SLC4A10: variants seen among roughly 807,000 people sequenced by gnomAD.
SLC4A10 encodes sodium-driven chloride bicarbonate exchanger.
In SLC4A10, 42 loss-of-function variants were observed where a neutral mutation model predicts 137.7. That is an observed-to-expected ratio of 0.30 (90% CI 0.24 to 0.39). The LOEUF is 0.39. Among genes scored for constraint, SLC4A10 ranks in the 10% least tolerant of loss-of-function variants. SLC4A10 has a pLI of 1.00. For synonymous variants in SLC4A10, 474 were observed against 464.1 expected, an observed-to-expected ratio of 1.02 and a Z score of -0.27; for missense variants, 925 against 1,355.0, an observed-to-expected ratio of 0.68 and a Z score of 4.98.
chr2:161,951,950 G>A lies in SLC4A10; in HGVS notation c.2541+1102G>A, dbSNP rs188733810. Among the ~76,000 whole-genome samples, 369 of 152,154 alleles carry A rather than the reference G, an allele frequency of 2.4e-3. 1 individual carries two copies. The highest frequency in any genetic ancestry group is 8.3e-3 in the African/African-American group (346 of 41,512). On this transcript the variant is annotated intron_variant, in intron 19 of 26. Coordinates refer to ENST00000446997, the MANE Select transcript of SLC4A10 (RefSeq NM_001178015.2). Reference sequence around the variant, plus strand: ...ACATTTTTCATTCTCTTTGTAGAACGTAAGTTAAGAATTCTCACAACTTTA... The same window carrying A: ...ACATTTTTCATTCTCTTTGTAGAACATAAGTTAAGAATTCTCACAACTTTA...
At chr2:161,941,372 C>T (rs1011213852) in intron 15 of SLC4A10, among the ~76,000 whole-genome samples, 2 of 152,060 alleles carry the variant, frequency 1.3e-5, no homozygotes, top group African/African-American at 2.4e-5. Flanking sequence ...AAAAATGAGA[C>T]AGGAATTCAT....
intron 1 of SLC4A10, among the ~76,000 whole-genome samples, chr2:161,680,946 G>C (rs2040789276): frequency 6.6e-6 from 1 of 152,038 alleles, no homozygotes; most frequent in African/African-American, 2.4e-5. Context: ...ATAGATATAA[G>C]TAACATCTTA....
At chr2:161,940,810 C>T (rs1331019884) in intron 15 of SLC4A10, among the ~76,000 whole-genome samples, 1 of 152,168 alleles carries the variant, frequency 6.6e-6, no homozygotes, top group Non-Finnish European at 1.5e-5. Flanking sequence ...ACCTCAAGCA[C>T]TGACCACAGC....
intron 23 of SLC4A10, among the ~76,000 whole-genome samples, chr2:161,965,790 C>T (rs564006909): frequency 2.4e-3 from 358 of 152,046 alleles, no homozygotes; most frequent in African/African-American, 8.2e-3. Flanking sequence ...TTATAAGTTT[C>T]GTGGCATATT....
At chr2:161,788,328 C>T (rs948643714) in intron 2 of SLC4A10, among the ~76,000 whole-genome samples, 1 of 152,014 alleles carries the variant, frequency 6.6e-6, no homozygotes, top group Non-Finnish European at 1.5e-5. Context: ...GTACTATACC[C>T]TTCTGACAGT....
Position 161,754,963 on chromosome 2 carries a change from T to C in SLC4A10, c.49-16010T>C, listed in dbSNP as rs149992887. 2.3e-3 allele frequency among the ~76,000 whole-genome samples: 348 copies of C among 152,280 alleles called. 1 individual carries two copies. The highest frequency in any genetic ancestry group is 3.8e-3 in the Non-Finnish European group (257 of 68,022). The stretch of plus-strand genomic sequence containing the variant: ...TCAAAAGCAGGCAAGTTGGCACTTA[T>C]CAGATGCAGGTAAAAACTTGAACCT... On this transcript the variant is annotated intron_variant, in intron 1 of 26. Transcript: ENST00000446997.
intron 4 of SLC4A10, among the ~76,000 whole-genome samples, chr2:161,851,590 G>T (rs928896389): frequency 6.6e-6 from 1 of 152,078 alleles, no homozygotes; most frequent in Non-Finnish European, 1.5e-5. Flanking sequence ...AAGATGAAAT[G>T]ATTTAGATGC....
chr2:161,939,713 T>G (rs1434402989), intron 15 of SLC4A10, among the ~76,000 whole-genome samples: 1 of 152,140 alleles, frequency 6.6e-6, no homozygotes, highest in Non-Finnish European at 1.5e-5. Flanking sequence ...TGCCTAAAGA[T>G]TGATTCTAAA....
At chr2:161,728,016 C>T (rs1483580087) in intron 1 of SLC4A10, among the ~76,000 whole-genome samples, 3 of 151,986 alleles carry the variant, frequency 2.0e-5, no homozygotes, top group African/African-American at 4.8e-5. Flanking sequence ...TATCAAGCCT[C>T]ATAAATAAAA....
intron 10 of SLC4A10, 129 bp downstream of exon 10, chr2:161,882,573 C>T: frequency 2.0e-6 from 1 of 488,592 alleles, no homozygotes; most frequent in Non-Finnish European, 3.6e-6. Flanking sequence ...TCCCATGCTT[C>T]TGCTATAAAA....
chr2:161,639,173 G>A (rs1166879988), intron 1 of SLC4A10, among the ~76,000 whole-genome samples: 1 of 152,006 alleles, frequency 6.6e-6, no homozygotes, highest in Non-Finnish European at 1.5e-5. Flanking sequence ...AGGTCCTAAT[G>A]GCTTTACTGC....
intron 15 of SLC4A10, among the ~76,000 whole-genome samples, chr2:161,928,640 C>A (rs1413951704): frequency 7.1e-6 from 1 of 141,824 alleles, no homozygotes; most frequent in Non-Finnish European, 1.5e-5. Context: ...TCATAACAAT[C>A]CTTGAAAGCA....
chr2:161,648,470 T>C (rs2036364023), intron 1 of SLC4A10, among the ~76,000 whole-genome samples: 1 of 152,224 alleles, frequency 6.6e-6, no homozygotes, highest in Non-Finnish European at 1.5e-5. Context: ...GGAGTATTGT[T>C]CATCCTGAGA....
intron 2 of SLC4A10, among the ~76,000 whole-genome samples, chr2:161,788,959 C>A (rs970145568): frequency 1.3e-5 from 2 of 152,184 alleles, no homozygotes; most frequent in African/African-American, 2.4e-5. Context: ...TTCCATGGAA[C>A]CTGCAGCTCC....
intron 1 of SLC4A10, among the ~76,000 whole-genome samples, chr2:161,718,889 T>C (rs1386669306): frequency 1.3e-5 from 2 of 152,104 alleles, no homozygotes; most frequent in Non-Finnish European, 2.9e-5. Context: ...CAGCAGGGTG[T>C]TATTATCTCC....
chr2:161,764,292 G>A (rs1473522436), intron 1 of SLC4A10, among the ~76,000 whole-genome samples: 1 of 152,032 alleles, frequency 6.6e-6, no homozygotes, highest in East Asian at 1.9e-4. Context: ...TTAAAGAAAG[G>A]AGAATATATT....
intron 1 of SLC4A10, among the ~76,000 whole-genome samples, chr2:161,699,969 A>G (rs184164298): frequency 7.2e-4 from 109 of 152,354 alleles, no homozygotes; most frequent in Admixed American, 2.5e-3. Flanking sequence ...CTATATTGAT[A>G]GGGAAACTGA....
At chr2:161,764,510 A>G (rs1045197788) in intron 1 of SLC4A10, among the ~76,000 whole-genome samples, 1 of 152,142 alleles carries the variant, frequency 6.6e-6, no homozygotes, top group Non-Finnish European at 1.5e-5. Context: ...TAAAAGGCTT[A>G]CAAAATGGAT....
At chr2:161,767,139 A>ATATATATG (rs1362865580) in intron 1 of SLC4A10, among the ~76,000 whole-genome samples, 107 of 57,052 alleles carry the variant, frequency 1.9e-3, no homozygotes, top group East Asian at 3.3e-3. Context: ...ATATATATAT[A>ATATATATG]TGTGTGTGTG....
Sources: gnomAD v4.1 joint callset for allele counts (sites outside exome capture counted in the v4.1 genomes callset) on GRCh38, gnomAD v4.1.1 for gene constraint, MANE v1.5 for transcripts, NCBI Gene and HGNC (gene_info 2026-07-23, HGNC 2026-07-21) for gene names.